Variants in SECISBP2 observed in about 807,000 individuals in gnomAD.
SECISBP2 encodes the protein SECIS binding protein 2.
SECISBP2 carries 96 observed loss-of-function variants against 98.2 expected under a neutral mutation model. That is an observed-to-expected ratio of 0.98 (90% CI 0.83 to 1.16). The LOEUF (loss-of-function observed/expected upper bound fraction) is 1.16. SECISBP2 is among the 50% of genes most tolerant of loss of function. SECISBP2 has a pLI of 0.00. For synonymous variants in SECISBP2, 407 were observed against 370.2 expected, an observed-to-expected ratio of 1.10 and a Z score of -1.14; for missense variants, 1,046 against 1,022.9, an observed-to-expected ratio of 1.02 and a Z score of -0.31.
downstream of SECISBP2, chr9:89,362,101 G>A (rs2132157889): frequency 3.6e-6 from 2 of 556,766 alleles, no homozygotes; most frequent in Non-Finnish European, 6.5e-6. Context: ...TAGTTCACGA[G>A]CAGCTATCAA....
intron 3 of SECISBP2, 105 bp downstream of exon 3, chr9:89,325,781 T>C: frequency 6.3e-7 from 1 of 1,593,730 alleles, no homozygotes; most frequent in Non-Finnish European, 8.6e-7. Flanking sequence ...TCATGTATTT[T>C]TTTGTATTTA....
Position 89,358,472 on chromosome 9 carries a change from C to T in SECISBP2, c.2462-249C>T, listed in dbSNP as rs908803843. Among the ~76,000 whole-genome samples the T allele has an allele frequency of 7.2e-5, 11 of 152,022 alleles. No individual in the cohort carries two copies. The South Asian group carries it at 8.3e-4, about 11-fold the overall frequency. ...TTGGAAGGCCAAGTAAAGGTTCAGT[C>T]CTCTCCTAGCCTACCTACACAAGGC... On this transcript the variant is annotated intron_variant, in intron 16 of 16. Coordinates refer to ENST00000375807, the MANE Select transcript of SECISBP2 (RefSeq NM_024077.5).
At chr9:89,358,559 GC>G (rs1343090835) in intron 16 of SECISBP2, among the ~76,000 whole-genome samples, 161 bp from the exon 17 acceptor site, 1 of 152,230 alleles carries the variant, frequency 6.6e-6, no homozygotes, top group African/African-American at 2.4e-5. Flanking sequence ...GCCCGGCCCA[GC>G]AGGCTGAGAA....
At chr9:89,346,760 C>G in intron 10 of SECISBP2, 122 bp from the exon 11 acceptor site, 1 of 1,020,524 alleles carries the variant, frequency 9.8e-7, no homozygotes, top group Non-Finnish European at 1.5e-6. Flanking sequence ...TGGGGACAAG[C>G]TGGGGGTGAC....
chr9:89,357,596 C>A, intron 15 of SECISBP2, 31 bp downstream of exon 15: 1 of 1,612,034 alleles, frequency 6.2e-7, no homozygotes, highest in South Asian at 1.1e-5. Context: ...CCTCTTCAGT[C>A]ACTGCCCGTG....
At chr9:89,328,432 T>G (rs946402590) in intron 4 of SECISBP2, among the ~76,000 whole-genome samples, 1 of 152,194 alleles carries the variant, frequency 6.6e-6, no homozygotes, top group Non-Finnish European at 1.5e-5. Flanking sequence ...GTACAGTGCA[T>G]TTTGGTTTTT....
Position 89,348,179 on chromosome 9 carries a change from G to A in SECISBP2, c.1703G>A (p.Gly568Asp), listed in dbSNP as rs1354593173. The A allele has an allele frequency of 1.2e-6, 2 of 1,614,094 alleles. No individual in the cohort carries two copies. The highest frequency in any genetic ancestry group is 1.3e-5 in the African/African-American group (1 of 74,926). Residue 568 changes from glycine (G) to aspartate (D), a missense_variant, in exon 12 of 17, where the codon GGT becomes GAT. Coordinates refer to ENST00000375807, the MANE Select transcript of SECISBP2 (RefSeq NM_024077.5). ...GACACACAAGATGGAGAGAGTGGTGGTGATGACCAGTTTCCCGAGCAGGCA... is the reference window on the plus strand; with the variant it reads ...GACACACAAGATGGAGAGAGTGGTGATGATGACCAGTTTCCCGAGCAGGCA... Reference protein sequence around the residue: ...SDDTQDGESGGDDQFPEQAEL... With the variant: ...SDDTQDGESGDDDQFPEQAEL...
chr9:89,354,176 G>C (rs1281859824), intron 14 of SECISBP2, among the ~76,000 whole-genome samples: 2 of 152,164 alleles, frequency 1.3e-5, no homozygotes, highest in African/African-American at 4.8e-5. Flanking sequence ...CACTAATAAC[G>C]GGTTGGAGGT....
intron 14 of SECISBP2, 32 bp downstream of exon 14, chr9:89,350,884 G>C: frequency 6.3e-7 from 1 of 1,587,436 alleles, no homozygotes; most frequent in South Asian, 1.1e-5. Flanking sequence ...GTGATATGTG[G>C]GCCCCTGCAT....
chr9:89,363,337 GC>G, downstream of SECISBP2: 1 of 1,557,526 alleles, frequency 6.4e-7, no homozygotes, highest in Non-Finnish European at 8.6e-7. Flanking sequence ...TGGGGTCCAT[GC>G]TGAATGGGGC....
At chr9:89,366,758 T>C in the SECISBP2 span, among the ~76,000 whole-genome samples, 3 of 152,222 alleles carry the variant, frequency 2.0e-5, no homozygotes, top group African/African-American at 4.8e-5. Flanking sequence ...TGAGCTGTTA[T>C]GATCAAGTAA....
intron 14 of SECISBP2, chr9:89,355,559 A>G (rs1275800408): frequency 1.0e-6 from 1 of 983,554 alleles, no homozygotes; most frequent in South Asian, 4.7e-5. Flanking sequence ...AAGAGTTCCA[A>G]GTATTTCTTC....
intron 12 of SECISBP2, among the ~76,000 whole-genome samples, chr9:89,349,485 A>G (rs1830932626): frequency 1.3e-5 from 2 of 152,262 alleles, no homozygotes; most frequent in African/African-American, 4.8e-5. Flanking sequence ...CACACTTAAA[A>G]GTGGTTAAAA....
chr9:89,332,358 CTG>C (rs1231347377), intron 5 of SECISBP2, among the ~76,000 whole-genome samples: 1 of 152,158 alleles, frequency 6.6e-6, no homozygotes, highest in Non-Finnish European at 1.5e-5. Flanking sequence ...TTAGGGTTCA[CTG>C]TTGGTGTTGT....
rs879108630 is a variant in SECISBP2, at chr9:89,325,594, G to T, written c.350G>T (p.Ser117Ile). ...PGSQYLYNQP[S>I]CYRGFQTVKH... Reference sequence around the variant, plus strand: ...TCCCAGTATCTTTATAACCAACCCAGTTGTTACCGAGGTTTTCAAACAGTG... The same window carrying T: ...TCCCAGTATCTTTATAACCAACCCATTTGTTACCGAGGTTTTCAAACAGTG... Residue 117 changes from serine to isoleucine, a missense_variant, in exon 3 of 17, where the codon AGT becomes ATT. Ser to Ile is a moderately radical substitution (Grantham distance 142). Transcript: ENST00000375807. 1 of 1,614,100 alleles carries T rather than the reference G, an allele frequency of 6.2e-7. No homozygotes were observed.
At chr9:89,353,425 G>A (rs1831586897) in intron 14 of SECISBP2, among the ~76,000 whole-genome samples, 1 of 152,172 alleles carries the variant, frequency 6.6e-6, no homozygotes, top group African/African-American at 2.4e-5. Context: ...ACCATTAGAT[G>A]TGTGGTGCGT....
intron 10 of SECISBP2, among the ~76,000 whole-genome samples, chr9:89,343,988 C>G (rs1356934503): frequency 1.3e-5 from 2 of 152,198 alleles, no homozygotes; most frequent in Non-Finnish European, 2.9e-5. Context: ...TCTCCGCAAC[C>G]TCGCCAGCTT....
chr9:89,356,048 G>T (rs142657903), intron 14 of SECISBP2, among the ~76,000 whole-genome samples: 1 of 152,036 alleles, frequency 6.6e-6, no homozygotes, highest in Admixed American at 6.6e-5. Flanking sequence ...TAAAGCAGGC[G>T]TCCCCAACCC....
At chr9:89,365,832 A>ACTT in the SECISBP2 span, among the ~76,000 whole-genome samples, 6 of 152,194 alleles carry the variant, frequency 3.9e-5, no homozygotes, top group African/African-American at 1.4e-4. Flanking sequence ...CACATGCTGG[A>ACTT]CTTTTGAAAA....
Sources: allele counts gnomAD v4.1 joint callset (sites outside exome capture counted in the v4.1 genomes callset), GRCh38; gene constraint gnomAD v4.1.1; transcripts MANE v1.5; gene names NCBI Gene and HGNC (gene_info 2026-07-23, HGNC 2026-07-21).